CIRSR: variants seen among roughly 807,000 people sequenced by gnomAD.
The protein encoded by CIRSR is corepressor of RBPJ and splicing regulator.
chr2:174,374,744 G>A, the CIRSR span, among the ~76,000 whole-genome samples: 1 of 152,188 alleles, frequency 6.6e-6, no homozygotes, highest in Non-Finnish European at 1.5e-5. Flanking sequence ...TGGCTTCTCA[G>A]AACTGATGGT....
the CIRSR span, among the ~76,000 whole-genome samples, chr2:174,384,092 C>T: frequency 2.6e-5 from 4 of 152,130 alleles, no homozygotes; most frequent in Non-Finnish European, 5.9e-5. Flanking sequence ...TTTATAGCAG[C>T]ATTATTCACA....
chr2:174,383,849 C>CAAAAAAAAAA, the CIRSR span, among the ~76,000 whole-genome samples: 2 of 121,470 alleles, frequency 1.6e-5, no homozygotes, highest in African/African-American at 3.2e-5. Flanking sequence ...AGCTATCTTC[C>CAAAAAAAAAA]AAAAAAAAAA....
At chr2:174,380,786 T>C in the CIRSR span, 9 of 1,600,588 alleles carry the variant, frequency 5.6e-6, no homozygotes, top group Non-Finnish European at 6.8e-6. Flanking sequence ...AATTCAGACA[T>C]AGAAAATAGT....
the CIRSR span, among the ~76,000 whole-genome samples, chr2:174,354,726 T>C: frequency 2.9e-5 from 3 of 104,644 alleles, no homozygotes; most frequent in Non-Finnish European, 5.5e-5. Flanking sequence ...ATATATATTA[T>C]ATAATATATA....
At chr2:174,387,707 C>CT in the CIRSR span, 1 of 1,592,708 alleles carries the variant, frequency 6.3e-7, no homozygotes, top group Non-Finnish European at 8.5e-7. Context: ...GATTCTTGTT[C>CT]TTTAAGATAT....
the CIRSR span, among the ~76,000 whole-genome samples, chr2:174,375,762 CAT>C: frequency 2.1e-3 from 313 of 152,272 alleles, 2 homozygotes; most frequent in African/African-American, 7.0e-3. Flanking sequence ...AAAATATTTT[CAT>C]ATGTTTAATG....
the CIRSR span, chr2:174,380,686 G>C: frequency 3.7e-6 from 6 of 1,612,564 alleles, no homozygotes; most frequent in Non-Finnish European, 5.1e-6. Flanking sequence ...ATTCAAATTT[G>C]TATTCGGTCT....
chr2:174,381,612 G>A, the CIRSR span: 1 of 861,748 alleles, frequency 1.2e-6, no homozygotes, highest in South Asian at 1.8e-5. Flanking sequence ...TGCTGAGATG[G>A]CACCACTGCA....
At chr2:174,394,793 T>C in the CIRSR span, among the ~76,000 whole-genome samples, 1 of 152,230 alleles carries the variant, frequency 6.6e-6, no homozygotes, top group Admixed American at 6.5e-5. Flanking sequence ...GCAATCAACA[T>C]TTTATTGAGC....
chr2:174,380,127 C>T, the CIRSR span: 2 of 1,023,332 alleles, frequency 2.0e-6, no homozygotes, highest in South Asian at 1.6e-5. Context: ...AGCTTAAACA[C>T]CTTTTAGACA....
chr2:174,367,918 A>T, the CIRSR span, among the ~76,000 whole-genome samples: 11 of 152,288 alleles, frequency 7.2e-5, no homozygotes, highest in Non-Finnish European at 1.2e-4. Context: ...ATAAGGCTGG[A>T]GTAACTATAT....
the CIRSR span, chr2:174,350,514 T>C: frequency 2.8e-5 from 13 of 459,060 alleles, no homozygotes; most frequent in African/African-American, 2.0e-4. Flanking sequence ...ACAGACAAAA[T>C]TGTATTAGCT....
At chr2:174,356,506 G>GGGAA in the CIRSR span, among the ~76,000 whole-genome samples, 1 of 91,408 alleles carries the variant, frequency 1.1e-5, no homozygotes, top group African/African-American at 3.3e-5. Context: ...GAAGGAAGAA[G>GGGAA]GGAAGGAAGA....
At chr2:174,383,000 AG>A in the CIRSR span, among the ~76,000 whole-genome samples, 4 of 152,212 alleles carry the variant, frequency 2.6e-5, no homozygotes, top group African/African-American at 9.6e-5. Flanking sequence ...GTAAAAAAGA[AG>A]CAAAAGGCCA....
chr2:174,360,154 A>G, the CIRSR span, among the ~76,000 whole-genome samples: 1 of 152,260 alleles, frequency 6.6e-6, no homozygotes, highest in Non-Finnish European at 1.5e-5. Flanking sequence ...GCACATGTAT[A>G]CATATGTAAC....
At chr2:174,365,223 C>A in the CIRSR span, among the ~76,000 whole-genome samples, 14 of 152,212 alleles carry the variant, frequency 9.2e-5, no homozygotes, top group Non-Finnish European at 1.8e-4. Flanking sequence ...ACACAAGAGT[C>A]ACCTTTGCTC....
the CIRSR span, chr2:174,387,850 T>A: frequency 1.5e-6 from 2 of 1,327,094 alleles, no homozygotes; most frequent in Non-Finnish European, 2.1e-6. Context: ...TTTTCTTGTA[T>A]AATAAAATAT....
the CIRSR span, among the ~76,000 whole-genome samples, chr2:174,371,297 TAAAAG>T: frequency 6.6e-6 from 1 of 152,192 alleles, no homozygotes; most frequent in South Asian, 2.1e-4. Flanking sequence ...CGAAAGTTGT[TAAAAG>T]AAAACAAACT....
At chr2:174,368,548 G>A in the CIRSR span, among the ~76,000 whole-genome samples, 475 of 152,308 alleles carry the variant, frequency 3.1e-3, 4 homozygotes, top group African/African-American at 0.011. Context: ...GCTGGGCGTG[G>A]TGGCTCACAT....
Sources: gnomAD v4.1 joint callset for allele counts (sites outside exome capture counted in the v4.1 genomes callset) on GRCh38, gnomAD v4.1.1 for gene constraint, MANE v1.5 for transcripts, NCBI Gene and HGNC (gene_info 2026-07-23, HGNC 2026-07-21) for gene names.